The following GRAMD1C variants were observed in gnomAD, a reference collection of about 807,000 sequenced individuals.
The protein encoded by GRAMD1C is GRAM domain containing 1C, also known as protein Aster-C.
In GRAMD1C, 89 loss-of-function variants were observed where a neutral mutation model predicts 97.8. That is an observed-to-expected ratio of 0.91 (90% confidence interval 0.77 to 1.09). GRAMD1C has a LOEUF of 1.09. Ranked by LOEUF, GRAMD1C falls within the 50% of genes least tolerant of loss-of-function variation. GRAMD1C has a pLI of 0.00. For synonymous variants in GRAMD1C, 256 were observed against 267.0 expected, an observed-to-expected ratio of 0.96 and a Z score of 0.40; for missense variants, 740 against 766.4, an observed-to-expected ratio of 0.97 and a Z score of 0.41.
chr3:113,846,306 A>G (rs1003383055), intron 2 of GRAMD1C, among the ~76,000 whole-genome samples: 2 of 151,966 alleles, frequency 1.3e-5, no homozygotes, highest in Admixed American at 6.6e-5. Context: ...GGGTTTCATC[A>G]TGTTGGCCAG....
intron 2 of GRAMD1C, among the ~76,000 whole-genome samples, chr3:113,854,351 G>A (rs561589255): frequency 1.3e-5 from 2 of 152,116 alleles, no homozygotes; most frequent in Admixed American, 6.5e-5. Context: ...GAAGAGAAGC[G>A]GACTCTCCAA....
intron 3 of GRAMD1C, among the ~76,000 whole-genome samples, chr3:113,872,144 A>G (rs1302128439): frequency 6.6e-6 from 1 of 152,156 alleles, no homozygotes; most frequent in Admixed American, 6.5e-5. Context: ...GTACATAAGG[A>G]CATAAAGTGA....
chr3:113,932,368 C>CA (rs1475229796), intron 11 of GRAMD1C, among the ~76,000 whole-genome samples: 2 of 152,178 alleles, frequency 1.3e-5, no homozygotes, highest in Non-Finnish European at 2.9e-5. Context: ...GAAGCCCCCC[C>CA]AACCCCCTTA....
intron 3 of GRAMD1C, among the ~76,000 whole-genome samples, chr3:113,870,779 C>A (rs1934770219): frequency 1.3e-5 from 2 of 151,044 alleles, no homozygotes; most frequent in African/African-American, 4.9e-5. Flanking sequence ...ATGGAAAACT[C>A]AATTGCAATT....
intron 2 of GRAMD1C, among the ~76,000 whole-genome samples, chr3:113,862,376 G>T (rs1203162035): frequency 6.6e-6 from 1 of 152,174 alleles, no homozygotes; most frequent in African/African-American, 2.4e-5. Flanking sequence ...GATGTTCCTT[G>T]CTGAGAAAAA....
chr3:113,945,412 CATT>C lies in GRAMD1C; in HGVS notation c.1926_1928del (p.Ile642del), dbSNP rs1159855294. 6.3e-7 allele frequency: 1 copy of C among 1,579,256 alleles called. No homozygotes were observed. The stretch of plus-strand genomic sequence containing the variant: ...TTTGTTTACAGCTGAAGAGCTCACT[CATT>C]ATGCTTCAGAAAACGTTTGATCTAC... On this transcript the variant is annotated inframe_deletion, in exon 18 of 18. Coordinates refer to ENST00000358160, the MANE Select transcript of GRAMD1C (RefSeq NM_017577.5).
intron 2 of GRAMD1C, among the ~76,000 whole-genome samples, chr3:113,858,097 A>G (rs1466871622): frequency 6.6e-6 from 1 of 152,210 alleles, no homozygotes; most frequent in Non-Finnish European, 1.5e-5. Flanking sequence ...AGAATTCTCC[A>G]GTAAAACTAT....
intron 10 of GRAMD1C, among the ~76,000 whole-genome samples, chr3:113,922,587 G>C (rs533136072): frequency 6.6e-6 from 1 of 152,238 alleles, no homozygotes; most frequent in African/African-American, 2.4e-5. Context: ...GATGGTTGTA[G>C]GTGTGTGGCT....
chr3:113,849,965 CG>C (rs1412273196), intron 2 of GRAMD1C, among the ~76,000 whole-genome samples: 1 of 124,164 alleles, frequency 8.1e-6, no homozygotes, highest in Non-Finnish European at 1.7e-5. Flanking sequence ...GCTGACCGGG[CG>C]GGGGGCTGAC....
At chr3:113,859,497 T>TA (rs1934283021) in intron 2 of GRAMD1C, among the ~76,000 whole-genome samples, 1 of 152,224 alleles carries the variant, frequency 6.6e-6, no homozygotes, top group African/African-American at 2.4e-5. Context: ...TGGCTGAGTA[T>TA]ATAGTCTATT....
chr3:113,870,281 G>C (rs1934743533), intron 3 of GRAMD1C, among the ~76,000 whole-genome samples: 1 of 151,874 alleles, frequency 6.6e-6, no homozygotes, highest in Non-Finnish European at 1.5e-5. Context: ...GAGAATCACT[G>C]AGCCCAGGAA....
chr3:113,830,672 C>G (rs1559768644), intron 1 of GRAMD1C, among the ~76,000 whole-genome samples: 1 of 152,230 alleles, frequency 6.6e-6, no homozygotes, highest in Non-Finnish European at 1.5e-5. Context: ...AAATATTGTA[C>G]TATAATCTTA....
chr3:113,938,050 C>T (rs748175748), intron 14 of GRAMD1C, 36 bp from the exon 15 acceptor site: 9 of 1,040,512 alleles, frequency 8.6e-6, no homozygotes, highest in Admixed American at 2.4e-5. Context: ...AATCACAATT[C>T]TCATTCTAAT....
At chr3:113,848,630 C>G (rs777321645) in intron 2 of GRAMD1C, among the ~76,000 whole-genome samples, 16 of 151,788 alleles carry the variant, frequency 1.1e-4, no homozygotes, top group Admixed American at 6.6e-5. Context: ...CATAGTAAGA[C>G]CCCCATCTCA....
In GRAMD1C at chr3:113,933,670, G is replaced by A. The variant is rs374752007; in HGVS notation, c.1352+17G>A. Reference sequence around the variant, plus strand: ...CAGGCTAAGGTGAGCTGCTGTACATGAATGTGTTAGGATAGGCTAGATTAT... The same window carrying A: ...CAGGCTAAGGTGAGCTGCTGTACATAAATGTGTTAGGATAGGCTAGATTAT... On this transcript the variant is annotated intron_variant, in intron 12 of 17. Transcript: ENST00000358160. 2.5e-5 allele frequency: 39 copies of A among 1,573,528 alleles called. No individual in the cohort carries two copies. Among genetic ancestry groups the A allele is most frequent in the Non-Finnish European group, 3.2e-5 (37 of 1,144,918 alleles).
chr3:113,920,190 C>T, intron 10 of GRAMD1C: 1 of 1,341,354 alleles, frequency 7.5e-7, no homozygotes, highest in South Asian at 1.3e-5. Flanking sequence ...GCTCAACAGC[C>T]TGAAATGTGA....
chr3:113,836,909 G>C (rs1247402048), upstream of GRAMD1C, among the ~76,000 whole-genome samples: 1 of 152,108 alleles, frequency 6.6e-6, no homozygotes, highest in Admixed American at 6.6e-5. Flanking sequence ...CTCCCAAAGT[G>C]CTGGGATTAC....
intron 2 of GRAMD1C, among the ~76,000 whole-genome samples, chr3:113,863,523 T>C (rs1165298032): frequency 6.6e-6 from 1 of 152,206 alleles, no homozygotes; most frequent in Non-Finnish European, 1.5e-5. Context: ...TTCAGCATGA[T>C]AAAAGTTTTC....
intron 13 of GRAMD1C, among the ~76,000 whole-genome samples, chr3:113,935,785 A>G (rs1219541598): frequency 6.6e-6 from 1 of 152,160 alleles, no homozygotes; most frequent in Non-Finnish European, 1.5e-5. Context: ...GCAGAGGAAA[A>G]GTTTGAAACA....
Sources: allele counts gnomAD v4.1 joint callset (sites outside exome capture counted in the v4.1 genomes callset), GRCh38; gene constraint gnomAD v4.1.1; transcripts MANE v1.5; gene names NCBI Gene and HGNC (gene_info 2026-07-23, HGNC 2026-07-21).